The following LMTK2 variants were observed in gnomAD, a reference collection of about 807,000 sequenced individuals.
LMTK2 encodes serine/threonine-protein kinase LMTK2.
LMTK2 carries 37 observed loss-of-function variants against 127.5 expected under a neutral mutation model. The ratio of observed to expected loss-of-function variants is 0.29; its 90% CI spans 0.22 to 0.38. The LOEUF (loss-of-function observed/expected upper bound fraction) is 0.38, where lower values mean the gene tolerates loss of function less well. LMTK2 is among the 10% of genes least tolerant of loss of function. The probability of loss-of-function intolerance (pLI) is 1.00; values close to 1 mark genes in which losing one functional copy is unlikely to be tolerated. For synonymous variants in LMTK2, 819 were observed against 810.1 expected, an observed-to-expected ratio of 1.01 and a Z score of -0.19; for missense variants, 1,694 against 1,920.3, an observed-to-expected ratio of 0.88 and a Z score of 2.20.
chr7:98,174,234 ATATT>A (rs1394541198), intron 7 of LMTK2, among the ~76,000 whole-genome samples: 24 of 152,118 alleles, frequency 1.6e-4, no homozygotes, highest in African/African-American at 5.6e-4. Context: ...GGAATTTAGA[ATATT>A]TATTGGTTGA....
intron 9 of LMTK2, 63 bp downstream of exon 9, chr7:98,187,061 T>TAA: frequency 6.7e-7 from 1 of 1,487,274 alleles, no homozygotes; most frequent in Non-Finnish European, 9.2e-7. Flanking sequence ...TCTTCCTCTT[T>TAA]GAGTACTTCC....
chr7:98,171,392 C>T lies in LMTK2; in HGVS notation c.658-149C>T, dbSNP rs977031597. Reference sequence around the variant, plus strand: ...AAAGCATAATAGTGTTCTATACTTTCGCAGTATTGGGTTGGAACTTCTTTA... The same window carrying T: ...AAAGCATAATAGTGTTCTATACTTTTGCAGTATTGGGTTGGAACTTCTTTA... On this transcript the variant is annotated intron_variant, in intron 6 of 13. Coordinates refer to ENST00000297293, the MANE Select transcript of LMTK2 (RefSeq NM_014916.4). This position sits in a 1 kb window ranked among gnomAD's most constrained non-coding sequence, Gnocchi z 5.1. The T allele has an allele frequency of 2.2e-5, 19 of 877,610 alleles. No individual in the cohort carries two copies. The highest frequency in any genetic ancestry group is 6.5e-5 in the Admixed American group (3 of 46,314). 54.4% of individuals were successfully genotyped at this position (877,610 alleles called of 1,614,324 possible). A position where few individuals can be genotyped will look rare whatever the true frequency, so the allele number is the denominator to read the frequency against.
chr7:98,195,851 G>T (rs573386445), intron 11 of LMTK2, among the ~76,000 whole-genome samples: 12 of 152,114 alleles, frequency 7.9e-5, no homozygotes, highest in Non-Finnish European at 1.2e-4. Context: ...TAAATCACCC[G>T]CATTTGAGCT....
rs532170664 is a variant in LMTK2, at chr7:98,168,788, C to T, written c.658-2753C>T. 2.6e-3 allele frequency among the ~76,000 whole-genome samples: 400 copies of T among 152,118 alleles called. 2 individuals are homozygous for T. The highest frequency in any genetic ancestry group is 4.0e-3 in the Non-Finnish European group (274 of 67,996). On this transcript the variant is annotated intron_variant, in intron 6 of 13. Coordinates refer to ENST00000297293, the MANE Select transcript of LMTK2 (RefSeq NM_014916.4). ...TCTGCTGATGGAGAGCTTGGTGTAG[C>T]GCTCTGCTGCCATCTAGTGTCCTAA...
chr7:98,140,077 ACTTTCTTT>A lies in LMTK2; in HGVS notation c.232-1259_232-1252del, dbSNP rs1197009143. Among the ~76,000 whole-genome samples, 30 of 23,706 alleles carry A rather than the reference ACTTTCTTT, an allele frequency of 1.3e-3. 7 individuals are homozygous for A. The highest frequency in any genetic ancestry group is 1.6e-3 in the Non-Finnish European group (11 of 6,834). 15.6% of individuals were successfully genotyped at this position (23,706 alleles called of 152,430 possible). On this transcript the variant is annotated intron_variant, in intron 2 of 13. Transcript: ENST00000297293. ...GAACGTCACGTAAAAGGTTTCCACA[ACTTTCTTT>A]CTTTCTTTCTTTCTTTCTTTCTTTC...
chr7:98,189,692 G>T (rs1163772097), intron 9 of LMTK2, among the ~76,000 whole-genome samples: 1 of 152,180 alleles, frequency 6.6e-6, no homozygotes, highest in Non-Finnish European at 1.5e-5. Context: ...GGAAATGAGA[G>T]GCAGCTCCTC....
intron 1 of LMTK2, among the ~76,000 whole-genome samples, chr7:98,127,614 C>G (rs1796461688): frequency 6.6e-6 from 1 of 152,202 alleles, no homozygotes. Context: ...TGTGTCTGTG[C>G]TGTCAAGGAT....
rs772530166 is a variant in LMTK2, at chr7:98,188,291, G to A, written c.998+1293G>A. 6.6e-5 allele frequency among the ~76,000 whole-genome samples: 10 copies of A among 151,836 alleles called. 1 individual carries two copies. Among genetic ancestry groups the A allele is most frequent in the Non-Finnish European group, 1.2e-4 (8 of 67,970 alleles). On this transcript the variant is annotated intron_variant, in intron 9 of 13. Coordinates refer to ENST00000297293, the MANE Select transcript of LMTK2 (RefSeq NM_014916.4). Reference sequence around the variant, plus strand: ...GTGTATCTGCTCTACCTAGTGTATCGTGAGTCTGATACTTCTGTGTTTTTT... The same window carrying A: ...GTGTATCTGCTCTACCTAGTGTATCATGAGTCTGATACTTCTGTGTTTTTT...
intron 11 of LMTK2, among the ~76,000 whole-genome samples, chr7:98,195,965 G>A (rs1180497154): frequency 1.3e-5 from 2 of 152,176 alleles, no homozygotes; most frequent in East Asian, 1.9e-4. Flanking sequence ...CAAGGTGGGC[G>A]GATCACCTGA....
At chr7:98,163,304 C>T (rs1797041809) in intron 6 of LMTK2, among the ~76,000 whole-genome samples, 1 of 151,758 alleles carries the variant, frequency 6.6e-6, no homozygotes, top group East Asian at 1.9e-4. Context: ...TTTTTTTACC[C>T]CAGTAGAAAA....
chr7:98,135,876 T>A (rs963562779), intron 1 of LMTK2, among the ~76,000 whole-genome samples: 2 of 151,894 alleles, frequency 1.3e-5, no homozygotes, highest in South Asian at 2.1e-4. Flanking sequence ...TTTTTTTTTT[T>A]AAACAGCCCC....
At chr7:98,156,627 G>T (rs1426109647) in intron 5 of LMTK2, among the ~76,000 whole-genome samples, 5 of 152,180 alleles carry the variant, frequency 3.3e-5, no homozygotes, top group Admixed American at 2.0e-4. Context: ...CATACGTTAA[G>T]TTATATATTA....
At chr7:98,109,209 G>A (rs1796163010) in intron 1 of LMTK2, among the ~76,000 whole-genome samples, 1 of 152,022 alleles carries the variant, frequency 6.6e-6, no homozygotes, top group Non-Finnish European at 1.5e-5. Flanking sequence ...CAATTTTATG[G>A]TGTCATGAAT....
intron 1 of LMTK2, among the ~76,000 whole-genome samples, chr7:98,116,745 T>C (rs890964973): frequency 6.6e-6 from 1 of 152,234 alleles, no homozygotes. Flanking sequence ...GTCCACAGCT[T>C]GTTCAGTTTC....
At chr7:98,108,034 T>C (rs1017630082) in intron 1 of LMTK2, among the ~76,000 whole-genome samples, 1 of 152,016 alleles carries the variant, frequency 6.6e-6, no homozygotes, top group Non-Finnish European at 1.5e-5. Context: ...GTCATTTTTC[T>C]AAAAAGGAAA....
intron 1 of LMTK2, among the ~76,000 whole-genome samples, chr7:98,112,068 T>C (rs748014279): frequency 6.6e-6 from 1 of 152,248 alleles, no homozygotes; most frequent in African/African-American, 2.4e-5. Context: ...TTTCTTGATC[T>C]TAAACACAAT....
At chr7:98,201,597 G>GTA in intron 11 of LMTK2, among the ~76,000 whole-genome samples, 1 of 106,812 alleles carries the variant, frequency 9.4e-6, no homozygotes, top group Non-Finnish European at 2.3e-5. Flanking sequence ...TTCTTCGTGT[G>GTA]TGTGTTTTGT....
chr7:98,136,217 A>G (rs987768095), intron 1 of LMTK2, among the ~76,000 whole-genome samples: 2 of 152,252 alleles, frequency 1.3e-5, no homozygotes, highest in Non-Finnish European at 2.9e-5. Flanking sequence ...TACAGCCCGG[A>G]GAATAAATAT....
intron 7 of LMTK2, among the ~76,000 whole-genome samples, chr7:98,178,774 C>T (rs1043916504): frequency 6.6e-6 from 1 of 152,224 alleles, no homozygotes; most frequent in Non-Finnish European, 1.5e-5. Context: ...ATCTGTACAG[C>T]ACTTTTATGT....
Sources: allele counts gnomAD v4.1 joint callset (sites outside exome capture counted in the v4.1 genomes callset), GRCh38; gene constraint gnomAD v4.1.1; non-coding constraint Gnocchi (gnomAD v3.1); transcripts MANE v1.5; gene names NCBI Gene and HGNC (gene_info 2026-07-23, HGNC 2026-07-21).